Variants in CNTN1 observed in about 807,000 individuals in gnomAD.
The protein encoded by CNTN1 is contactin 1, also known as contactin-1.
CNTN1 carries 38 observed loss-of-function variants against 126.4 expected under a neutral mutation model. The ratio of observed to expected loss-of-function variants is 0.30; its 90% CI spans 0.23 to 0.39. The LOEUF (loss-of-function observed/expected upper bound fraction) is 0.39, where lower values mean the gene tolerates loss of function less well. CNTN1 is among the 10% of genes least tolerant of loss of function. The pLI, the probability that CNTN1 is intolerant of heterozygous loss-of-function variation, is 1.00. For synonymous variants in CNTN1, 413 were observed against 422.6 expected, an observed-to-expected ratio of 0.98 and a Z score of 0.28; for missense variants, 1,009 against 1,248.4, an observed-to-expected ratio of 0.81 and a Z score of 2.89.
At chr12:40,815,862 G>A (rs974199246) in intron 1 of CNTN1, among the ~76,000 whole-genome samples, 9 of 152,160 alleles carry the variant, frequency 5.9e-5, no homozygotes, top group Non-Finnish European at 8.8e-5. Context: ...AACATGAAGC[G>A]ATGTTGAATT....
At chr12:41,025,004 C>T in intron 20 of CNTN1, 146 bp from the exon 21 acceptor site, 1 of 827,820 alleles carries the variant, frequency 1.2e-6, no homozygotes, top group Middle Eastern at 3.4e-4. Context: ...TATTCTAAGG[C>T]TGATAAAAGG....
intron 1 of CNTN1, among the ~76,000 whole-genome samples, chr12:40,870,149 C>A (rs1476628358): frequency 6.6e-6 from 1 of 151,980 alleles, no homozygotes; most frequent in East Asian, 1.9e-4. Context: ...CCACGTGGAA[C>A]TCTAAGTCCA....
At chr12:40,936,677 G>A (rs1946090896) in intron 9 of CNTN1, 104 bp from the exon 10 acceptor site, 1 of 1,408,546 alleles carries the variant, frequency 7.1e-7, no homozygotes, top group South Asian at 1.2e-5. Context: ...ACTATCTGAT[G>A]TATTCTGCAG....
chr12:40,909,747 T>C (rs551721725), intron 2 of CNTN1, among the ~76,000 whole-genome samples: 20 of 151,556 alleles, frequency 1.3e-4, no homozygotes, highest in Non-Finnish European at 2.4e-4. Context: ...ATAATATATT[T>C]ACATATATAT....
intron 1 of CNTN1, among the ~76,000 whole-genome samples, chr12:40,698,148 G>A (rs1411039740): frequency 6.6e-6 from 1 of 151,560 alleles, no homozygotes; most frequent in Non-Finnish European, 1.5e-5. Context: ...CCAGAGCATA[G>A]GTGTTAAGAG....
At chr12:40,873,528 G>A (rs1943574571) in intron 1 of CNTN1, among the ~76,000 whole-genome samples, 1 of 152,080 alleles carries the variant, frequency 6.6e-6, no homozygotes, top group South Asian at 2.1e-4. Flanking sequence ...ACCAAAACAT[G>A]TAAAATTTGA....
chr12:40,923,037 A>ATG (rs1388997155), intron 5 of CNTN1, among the ~76,000 whole-genome samples: 11 of 151,170 alleles, frequency 7.3e-5, no homozygotes, highest in African/African-American at 2.7e-4. Flanking sequence ...GGGCACTATC[A>ATG]CCCCTAAGGG....
At chr12:40,782,107 C>T (rs1308793419) in intron 1 of CNTN1, among the ~76,000 whole-genome samples, 2 of 151,670 alleles carry the variant, frequency 1.3e-5, no homozygotes, top group Admixed American at 6.6e-5. Flanking sequence ...GAAACCATCC[C>T]CTATTACCTA....
At chr12:40,724,118 C>G (rs946361648) in intron 1 of CNTN1, among the ~76,000 whole-genome samples, 1 of 151,994 alleles carries the variant, frequency 6.6e-6, no homozygotes, top group Admixed American at 6.6e-5. Context: ...TTTTTCATTT[C>G]TAATTTAAAG....
intron 1 of CNTN1, among the ~76,000 whole-genome samples, chr12:40,720,003 ATTTTTTT>A (rs561694238): frequency 2.0e-4 from 26 of 127,238 alleles, no homozygotes; most frequent in East Asian, 9.2e-4. Flanking sequence ...CGCCCGGTTA[ATTTTTTT>A]TTTTTTTTTT....
chr12:40,868,726 C>T (rs1565859308), intron 1 of CNTN1, among the ~76,000 whole-genome samples: 1 of 152,234 alleles, frequency 6.6e-6, no homozygotes, highest in East Asian at 1.9e-4. Context: ...GCCTGAACAC[C>T]TATCCCTGAC....
chr12:40,795,595 A>G (rs1280255965), intron 1 of CNTN1, among the ~76,000 whole-genome samples: 1 of 152,184 alleles, frequency 6.6e-6, no homozygotes, highest in African/African-American at 2.4e-5. Context: ...ACACACACAC[A>G]TATAATGCTT....
chr12:40,963,186 C>G (rs1197606177), intron 15 of CNTN1, among the ~76,000 whole-genome samples: 1 of 151,880 alleles, frequency 6.6e-6, no homozygotes, highest in Non-Finnish European at 1.5e-5. Context: ...CTTTGGGAGG[C>G]CAAGGAGTGC....
rs1190555754 is a variant in CNTN1 at position 40,936,766 on chromosome 12, T to C, written c.986-15T>C. On this transcript the variant is annotated splice_polypyrimidine_tract_variant and intron_variant, in intron 9 of 23. Transcript: ENST00000551295. Reference sequence around the variant, plus strand: ...AGCCCTTCATTTAACATTTACAATGTTCCTTACTTTTTAGCATTCCCTGAG... The same window carrying C: ...AGCCCTTCATTTAACATTTACAATGCTCCTTACTTTTTAGCATTCCCTGAG... 2.5e-6 allele frequency: 4 copies of C among 1,611,560 alleles called. No homozygotes were observed. In the South Asian group the frequency reaches 4.4e-5, roughly 18 times the overall value.
At chr12:40,823,134 T>A (rs1374411876) in intron 1 of CNTN1, among the ~76,000 whole-genome samples, 1 of 152,198 alleles carries the variant, frequency 6.6e-6, no homozygotes, top group Non-Finnish European at 1.5e-5. Flanking sequence ...ATAACAAATA[T>A]TAATTCTTTT....
chr12:40,760,471 T>A (rs1938815351), intron 1 of CNTN1, among the ~76,000 whole-genome samples: 2 of 152,122 alleles, frequency 1.3e-5, no homozygotes, highest in Admixed American at 6.5e-5. Context: ...AGTTAATGTT[T>A]TTTTTTTTGC....
intron 1 of CNTN1, among the ~76,000 whole-genome samples, chr12:40,714,870 A>G (rs1207584738): frequency 6.6e-6 from 1 of 152,126 alleles, no homozygotes; most frequent in African/African-American, 2.4e-5. Context: ...ACTCAAAAAT[A>G]GACTGAAAGT....
intron 11 of CNTN1, 52 bp from the exon 12 acceptor site, chr12:40,939,283 G>A (rs1946184165): frequency 6.3e-7 from 1 of 1,589,906 alleles, no homozygotes; most frequent in Non-Finnish European, 8.6e-7. Context: ...CAGAAGCAAT[G>A]TTTAGGCTTT....
chr12:40,999,879 T>C (rs183761275), intron 17 of CNTN1, among the ~76,000 whole-genome samples: 38 of 152,050 alleles, frequency 2.5e-4, no homozygotes, highest in Middle Eastern at 3.4e-3. Flanking sequence ...GTTTTGTTTT[T>C]GTATTTTTAG....
Sources: gnomAD v4.1 joint callset for allele counts (sites outside exome capture counted in the v4.1 genomes callset) on GRCh38, gnomAD v4.1.1 for gene constraint, MANE v1.5 for transcripts, NCBI Gene and HGNC (gene_info 2026-07-23, HGNC 2026-07-21) for gene names.